The following PDE10A variants were observed in gnomAD, a reference collection of about 807,000 sequenced individuals.
PDE10A encodes the protein phosphodiesterase 10A.
PDE10A carries 39 observed loss-of-function variants against 97.7 expected under a neutral mutation model. That is an observed-to-expected ratio of 0.40 (90% CI 0.31 to 0.52). The LOEUF (loss-of-function observed/expected upper bound fraction) is 0.52, where lower values mean the gene tolerates loss of function less well. PDE10A is among the 20% of genes least tolerant of loss of function. The probability of loss-of-function intolerance (pLI) is 0.56; values close to 1 mark genes in which losing one functional copy is unlikely to be tolerated. For missense variants in PDE10A, 731 were observed against 1,047.8 expected (o/e 0.70, Z 4.17); for synonymous variants, 371 against 376.8 (o/e 0.98, Z 0.18).
At chr6:165,625,998 C>A (rs907891209) in intron 1 of PDE10A, among the ~76,000 whole-genome samples, 3 of 152,042 alleles carry the variant, frequency 2.0e-5, no homozygotes, top group African/African-American at 4.8e-5. Flanking sequence ...ACTAAGTGGG[C>A]GAAGAGAGAG....
At chr6:165,911,888 A>T (rs1290297695) in intron 1 of PDE10A, among the ~76,000 whole-genome samples, 2 of 152,144 alleles carry the variant, frequency 1.3e-5, no homozygotes, top group African/African-American at 4.8e-5. Flanking sequence ...AGGGCCAGGA[A>T]GTGTGCGTTT....
chr6:165,730,997 G>C (rs1792421167), intron 1 of PDE10A, among the ~76,000 whole-genome samples: 1 of 152,162 alleles, frequency 6.6e-6, no homozygotes, highest in African/African-American at 2.4e-5. Flanking sequence ...AGTGAGCTGA[G>C]ATTGTGCCAC....
chr6:165,987,782 C>A (rs1272240855), exon 1 of PDE10A: 1 of 450,572 alleles, frequency 2.2e-6, no homozygotes, highest in Admixed American at 2.4e-5. Context: ...CTCTGGGGTG[C>A]GCGCCGATCT....
chr6:165,974,994 G>T (rs1306581651), intron 1 of PDE10A, among the ~76,000 whole-genome samples: 1 of 152,232 alleles, frequency 6.6e-6, no homozygotes. Flanking sequence ...TGGCTGCGCA[G>T]GGATTGTGAG....
At chr6:165,916,499 G>A (rs1323920710) in intron 1 of PDE10A, among the ~76,000 whole-genome samples, 1 of 152,172 alleles carries the variant, frequency 6.6e-6, no homozygotes, top group Non-Finnish European at 1.5e-5. Flanking sequence ...ATGGTAATAA[G>A]GTCAGCCCTT....
intron 3 of PDE10A, among the ~76,000 whole-genome samples, chr6:165,456,315 T>A (rs1391652202): frequency 6.6e-6 from 1 of 152,252 alleles, no homozygotes; most frequent in African/African-American, 2.4e-5. Context: ...AATCACTAGA[T>A]ATTTCTTTTA....
At chr6:165,793,642 C>A (rs190656276) in intron 1 of PDE10A, among the ~76,000 whole-genome samples, 1 of 152,190 alleles carries the variant, frequency 6.6e-6, no homozygotes, top group Non-Finnish European at 1.5e-5. Flanking sequence ...TCTGCTGCAC[C>A]GCTGGGGGTC....
intron 1 of PDE10A, among the ~76,000 whole-genome samples, chr6:165,639,637 G>T (rs1166289423): frequency 7.3e-5 from 11 of 151,452 alleles, no homozygotes; most frequent in Admixed American, 5.3e-4. Context: ...TACTTGGGAG[G>T]CTGAAGCAAG....
intron 1 of PDE10A, among the ~76,000 whole-genome samples, chr6:165,749,225 T>C (rs372331755): frequency 0.037 from 120 of 3,282 alleles, no homozygotes; most frequent in East Asian, 0.058. Context: ...CACCATCATA[T>C]CACCATCACC....
Position 165,657,195 on chromosome 6 carries a change from A to C in PDE10A, c.865+4752T>G, listed in dbSNP as rs113242122. ...AGGGAAAGCAGGCAATAAACTGATA[A>C]GCCAGTAAGTGAGCAAGATAATTTC... is the stretch of plus-strand genomic sequence containing the variant. On this transcript the variant is annotated intron_variant, in intron 1 of 21. Coordinates refer to ENST00000539869, the MANE Select transcript of PDE10A (RefSeq NM_001385079.1). 5.2e-3 allele frequency among the ~76,000 whole-genome samples: 791 copies of C among 152,346 alleles called. 9 individuals carry two copies. The highest frequency in any genetic ancestry group is 0.018 in the African/African-American group (760 of 41,586).
At chr6:165,642,156 T>C (rs1210030367) in intron 1 of PDE10A, among the ~76,000 whole-genome samples, 4 of 152,182 alleles carry the variant, frequency 2.6e-5, no homozygotes, top group Non-Finnish European at 5.9e-5. Flanking sequence ...CTGCACAAGC[T>C]GCCCCTCCGC....
chr6:165,660,612 C>T (rs368454957), intron 1 of PDE10A: 2 of 152,540 alleles, frequency 1.3e-5, no homozygotes, highest in East Asian at 3.9e-4. Flanking sequence ...GCGGTGAGCC[C>T]GGAGCAGCTT....
intron 1 of PDE10A, among the ~76,000 whole-genome samples, chr6:165,768,300 T>C (rs562567692): frequency 6.6e-6 from 1 of 151,490 alleles, no homozygotes; most frequent in African/African-American, 2.4e-5. Flanking sequence ...AGTTTGTCTA[T>C]TTTTTTTTCT....
chr6:165,870,004 C>T (rs1436575438), intron 1 of PDE10A, among the ~76,000 whole-genome samples: 3 of 152,002 alleles, frequency 2.0e-5, no homozygotes, highest in Non-Finnish European at 4.4e-5. Context: ...TGGAAGAAAA[C>T]ATAGATAAAA....
rs113089710 is a variant in PDE10A, at chr6:165,622,298, G to C, written c.865+39649C>G. Among the ~76,000 whole-genome samples, 267 of 151,022 alleles carry C rather than the reference G, an allele frequency of 1.8e-3. 1 individual carries two copies. The highest frequency in any genetic ancestry group is 6.1e-3 in the African/African-American group (248 of 40,706). ...AGTGTGTGTGTGTGTGTGTGTGTAT[G>C]TGCATGCGTGTGTGTCACTTAATGG... is the stretch of plus-strand genomic sequence containing the variant. On this transcript the variant is annotated intron_variant, in intron 1 of 21. Coordinates refer to ENST00000539869, the MANE Select transcript of PDE10A (RefSeq NM_001385079.1).
In PDE10A at chr6:165,655,561, C is replaced by T. The variant is rs1336016603; in HGVS notation, c.865+6386G>A. Among the ~76,000 whole-genome samples the T allele has an allele frequency of 6.6e-6, 1 of 152,140 alleles. No individual in the cohort carries two copies. ...CCAAACACCTCCTGAACCACCGCGG[C>T]ATTTTGCTTCTACCATCATCGCCGT... On this transcript the variant is annotated intron_variant, in intron 1 of 21. Transcript: ENST00000539869. This position sits in a 1 kb window ranked among gnomAD's most constrained non-coding sequence, Gnocchi z 4.5.
intron 1 of PDE10A, among the ~76,000 whole-genome samples, chr6:165,640,335 T>A (rs1789074613): frequency 6.6e-6 from 1 of 152,192 alleles, no homozygotes; most frequent in South Asian, 2.1e-4. Context: ...TCAAATCACC[T>A]ATCACAATAC....
At chr6:165,366,832 A>G (rs1351017947) in intron 18 of PDE10A, among the ~76,000 whole-genome samples, 1 of 152,202 alleles carries the variant, frequency 6.6e-6, no homozygotes, top group Non-Finnish European at 1.5e-5. Flanking sequence ...ACATACTCAT[A>G]TATTTAGGAT....
chr6:165,750,295 A>C (rs1792967496), intron 1 of PDE10A, among the ~76,000 whole-genome samples: 1 of 152,216 alleles, frequency 6.6e-6, no homozygotes, highest in African/African-American at 2.4e-5. Context: ...AGGGATTCCA[A>C]ATAAAGGGGT....
Sources: allele counts gnomAD v4.1 joint callset (sites outside exome capture counted in the v4.1 genomes callset), GRCh38; gene constraint gnomAD v4.1.1; non-coding constraint Gnocchi (gnomAD v3.1); transcripts MANE v1.5; gene names NCBI Gene and HGNC (gene_info 2026-07-23, HGNC 2026-07-21).